Variants in OXR1 observed in about 807,000 individuals in gnomAD.
OXR1 encodes the protein oxidation resistance 1, also known as oxidation resistance protein 1.
A neutral mutation model predicts 104.6 loss-of-function variants in OXR1; 41 were observed. The ratio of observed to expected loss-of-function variants is 0.39; its 90% CI spans 0.31 to 0.51. OXR1 has a LOEUF of 0.51. OXR1 is among the 20% of genes least tolerant of loss of function. The pLI, the probability that OXR1 is intolerant of heterozygous loss-of-function variation, is 0.77. For missense variants in OXR1, 955 were observed against 1,031.9 expected (o/e 0.93, Z 1.02); for synonymous variants, 348 against 348.4 (o/e 1.00, Z 0.01).
chr8:106,588,623 G>A (rs982812782), intron 3 of OXR1, among the ~76,000 whole-genome samples: 1 of 151,850 alleles, frequency 6.6e-6, no homozygotes. Flanking sequence ...GAGTAGCTGG[G>A]AACAGGCATC....
chr8:106,547,319 A>G lies in OXR1; in HGVS notation c.220+28180A>G, dbSNP rs541636394. Among the ~76,000 whole-genome samples the G allele has an allele frequency of 2.2e-4, 33 of 152,234 alleles. No individual in the cohort carries two copies. In the East Asian group the frequency reaches 6.0e-3, roughly 28 times the overall value. On this transcript the variant is annotated intron_variant, in intron 3 of 16. Coordinates refer to ENST00000517566, the MANE Select transcript of OXR1 (RefSeq NM_001198533.2). ...TAAACTCCCCATTCCCGCTCCCTCCAGACACTGGCAACCATCATTCTATTT... is the reference window on the plus strand; with the variant it reads ...TAAACTCCCCATTCCCGCTCCCTCCGGACACTGGCAACCATCATTCTATTT...
chr8:106,695,663 C>T (rs909405980), intron 7 of OXR1, among the ~76,000 whole-genome samples: 10 of 152,128 alleles, frequency 6.6e-5, no homozygotes, highest in African/African-American at 2.2e-4. Context: ...CGTGATCCGC[C>T]TGCTTCAGCC....
chr8:106,295,196 T>G (rs1306483073), intron 1 of OXR1, among the ~76,000 whole-genome samples: 9 of 152,204 alleles, frequency 5.9e-5, no homozygotes, highest in Admixed American at 5.9e-4. Context: ...GGCAAAGCCT[T>G]CATTAGGCTA....
chr8:106,624,911 C>A (rs546350763), intron 3 of OXR1, among the ~76,000 whole-genome samples: 1 of 152,202 alleles, frequency 6.6e-6, no homozygotes, highest in East Asian at 1.9e-4. Context: ...CCCACCTCAA[C>A]ACACTAAGGA....
chr8:106,702,295 A>G (rs1830655073), intron 7 of OXR1, among the ~76,000 whole-genome samples: 2 of 152,142 alleles, frequency 1.3e-5, no homozygotes, highest in South Asian at 2.1e-4. Flanking sequence ...TTAAAATTTT[A>G]TAGCTTTTCA....
At chr8:106,694,423 ATT>A (rs1475208887) in intron 7 of OXR1, among the ~76,000 whole-genome samples, 1 of 139,758 alleles carries the variant, frequency 7.2e-6, no homozygotes, top group Non-Finnish European at 1.5e-5. Flanking sequence ...TTATATATAT[ATT>A]TAATATATAT....
chr8:106,701,266 C>T (rs1830562860), intron 7 of OXR1, among the ~76,000 whole-genome samples: 1 of 152,198 alleles, frequency 6.6e-6, no homozygotes, highest in South Asian at 2.1e-4. Flanking sequence ...ACTGCACACA[C>T]ACATATACTC....
chr8:106,732,283 T>G (rs950157379), intron 11 of OXR1, among the ~76,000 whole-genome samples: 1 of 152,128 alleles, frequency 6.6e-6, no homozygotes, highest in South Asian at 2.1e-4. Context: ...TTCTTTGGGA[T>G]TTTTTATACC....
chr8:106,519,051 C>G lies in OXR1; in HGVS notation c.132C>G (p.Thr44=). 6.4e-7 allele frequency: 1 copy of G among 1,552,008 alleles called. No homozygotes were observed. Among genetic ancestry groups the G allele is most frequent in the Non-Finnish European group, 8.7e-7 (1 of 1,146,998 alleles). The part of the protein sequence containing the change: ...PQASKPPAPK[T]PIIEEEQNNA... ...CCAGTAAGCCCCCGGCACCCAAGAC[C>G]CCCATCATTGAAGAAGAGCAGAACA... Residue 44 remains threonine (T), a synonymous_variant, in exon 3 of 17, where the codon ACC becomes ACG. Coordinates refer to ENST00000517566, the MANE Select transcript of OXR1 (RefSeq NM_001198533.2).
At chr8:106,486,748 C>A (rs1207968191) in intron 2 of OXR1, among the ~76,000 whole-genome samples, 1 of 151,876 alleles carries the variant, frequency 6.6e-6, no homozygotes, top group Non-Finnish European at 1.5e-5. Context: ...TGACTCTTTT[C>A]GTCTTGTCAT....
intron 1 of OXR1, among the ~76,000 whole-genome samples, chr8:106,330,291 T>C (rs1440010152): frequency 6.6e-6 from 1 of 152,252 alleles, no homozygotes; most frequent in African/African-American, 2.4e-5. Flanking sequence ...GTACTTGCCT[T>C]AGTTCAGCTT....
At chr8:106,702,420 A>G (rs1830668264) in intron 7 of OXR1, among the ~76,000 whole-genome samples, 2 of 152,218 alleles carry the variant, frequency 1.3e-5, no homozygotes, top group African/African-American at 4.8e-5. Context: ...AAATCTAGGT[A>G]GTAGTAGAGT....
intron 2 of OXR1, among the ~76,000 whole-genome samples, chr8:106,502,199 G>A (rs1811858197): frequency 1.3e-5 from 2 of 152,122 alleles, no homozygotes; most frequent in African/African-American, 4.8e-5. Context: ...GCTTAGCAAG[G>A]CTTCACACTT....
At chr8:106,456,488 C>A (rs1032756910) in intron 2 of OXR1, among the ~76,000 whole-genome samples, 19 of 152,090 alleles carry the variant, frequency 1.2e-4, no homozygotes, top group Admixed American at 5.2e-4. Flanking sequence ...CATCTAGCAC[C>A]ATTGCCTTGT....
intron 1 of OXR1, among the ~76,000 whole-genome samples, chr8:106,334,037 A>G (rs1814847765): frequency 6.6e-6 from 1 of 152,190 alleles, no homozygotes; most frequent in Non-Finnish European, 1.5e-5. Context: ...ATTGTATTTA[A>G]CCTGTAGATT....
At chr8:106,746,695 G>A (rs1835423378) in intron 16 of OXR1, among the ~76,000 whole-genome samples, 1 of 152,160 alleles carries the variant, frequency 6.6e-6, no homozygotes, top group Non-Finnish European at 1.5e-5. Flanking sequence ...GAGGATATAA[G>A]TAGGGTGATT....
intron 2 of OXR1, among the ~76,000 whole-genome samples, chr8:106,401,291 T>A (rs1817989054): frequency 6.6e-6 from 1 of 152,196 alleles, no homozygotes; most frequent in South Asian, 2.1e-4. Context: ...GTCTGTTCCC[T>A]TTCAGGTGGT....
chr8:106,535,156 G>T (rs146649779), intron 3 of OXR1, among the ~76,000 whole-genome samples: 7,467 of 151,968 alleles, frequency 0.049, 205 homozygotes, highest in Middle Eastern at 0.068. Flanking sequence ...GTAGAGACGG[G>T]GTTTCACTGT....
chr8:106,500,395 A>G (rs1811717784), intron 2 of OXR1, among the ~76,000 whole-genome samples: 1 of 152,238 alleles, frequency 6.6e-6, no homozygotes, highest in Non-Finnish European at 1.5e-5. Context: ...CGTATAGAAG[A>G]ACATTGTGAA....
Sources: gnomAD v4.1 joint callset for allele counts (sites outside exome capture counted in the v4.1 genomes callset) on GRCh38, gnomAD v4.1.1 for gene constraint, MANE v1.5 for transcripts, NCBI Gene and HGNC (gene_info 2026-07-23, HGNC 2026-07-21) for gene names.